ATRN: variants seen among roughly 807,000 people sequenced by gnomAD.
ATRN encodes the protein attractin-2.
ATRN carries 54 observed loss-of-function variants against 178.7 expected under a neutral mutation model. The observed-to-expected ratio is 0.30, with a 90% CI of 0.24 to 0.38. ATRN has a LOEUF of 0.38. Among genes scored for constraint, ATRN ranks in the 10% least tolerant of loss-of-function variants. ATRN has a pLI of 1.00. For missense variants in ATRN, 1,443 were observed against 1,815.1 expected (o/e 0.79, Z 3.73); for synonymous variants, 636 against 663.0 (o/e 0.96, Z 0.63).
chr20:3,602,963 C>CAAAAAAAAAAAA (rs3842439), intron 23 of ATRN, among the ~76,000 whole-genome samples: 7 of 40,878 alleles, frequency 1.7e-4, no homozygotes, highest in African/African-American at 7.7e-4. Context: ...AATTCCATCT[C>CAAAAAAAAAAAA]AAAAAAAAAA....
intron 6 of ATRN, among the ~76,000 whole-genome samples, chr20:3,557,164 T>C (rs974230699): frequency 1.3e-5 from 2 of 152,228 alleles, no homozygotes; most frequent in Non-Finnish European, 2.9e-5. Flanking sequence ...GCAGTCCATT[T>C]TATAAAAACA....
At chr20:3,587,895 G>C (rs922705837) in intron 18 of ATRN, among the ~76,000 whole-genome samples, 1 of 152,168 alleles carries the variant, frequency 6.6e-6, no homozygotes, top group Non-Finnish European at 1.5e-5. Flanking sequence ...ACCCAGGCTG[G>C]AGCGCAGTGG....
intron 25 of ATRN, among the ~76,000 whole-genome samples, chr20:3,626,113 TC>T (rs2086936780): frequency 6.6e-6 from 1 of 151,764 alleles, no homozygotes; most frequent in Admixed American, 6.6e-5. Context: ...AAGCCTGTAG[TC>T]CCAGCTAATC....
chr20:3,491,285 C>T (rs2084790564), intron 1 of ATRN, among the ~76,000 whole-genome samples: 1 of 152,162 alleles, frequency 6.6e-6, no homozygotes, highest in Non-Finnish European at 1.5e-5. Context: ...TCCTCACTTC[C>T]AATTTTCTCA....
intron 1 of ATRN, among the ~76,000 whole-genome samples, chr20:3,526,219 A>T (rs1026408127): frequency 6.6e-5 from 10 of 152,230 alleles, no homozygotes; most frequent in Admixed American, 6.5e-5. Flanking sequence ...ATACAAAATC[A>T]GTGTGCAAAA....
chr20:3,489,816 T>G (rs1600018269), intron 1 of ATRN: 1 of 1,255,492 alleles, frequency 8.0e-7, no homozygotes, highest in East Asian at 2.3e-5. Flanking sequence ...AATCTCACAG[T>G]TATAGTTGAT....
chr20:3,567,730 T>C (rs2086056136), intron 11 of ATRN, among the ~76,000 whole-genome samples: 1 of 152,148 alleles, frequency 6.6e-6, no homozygotes, highest in South Asian at 2.1e-4. Flanking sequence ...ATTGAGGTTT[T>C]GAGGGAGGCA....
At chr20:3,561,921 C>A (rs2085957828) in intron 8 of ATRN, among the ~76,000 whole-genome samples, 1 of 152,116 alleles carries the variant, frequency 6.6e-6, no homozygotes, top group Admixed American at 6.6e-5. Context: ...GAGATGGGAT[C>A]TTGCTATGTT....
At chr20:3,597,809 G>T in intron 21 of ATRN, 97 bp from the exon 22 acceptor site, 4 of 721,126 alleles carry the variant, frequency 5.5e-6, no homozygotes, top group South Asian at 1.9e-5. Context: ...TGCTTTCCTC[G>T]TTACTTAATT....
chr20:3,591,153 A>G lies in ATRN; in HGVS notation c.3185-16A>G. On this transcript the variant is annotated splice_polypyrimidine_tract_variant and intron_variant, in intron 18 of 28. Coordinates refer to ENST00000262919, the MANE Select transcript of ATRN (RefSeq NM_139321.3). The stretch of plus-strand genomic sequence containing the variant: ...TCTTCCATGGTACAGACCCCTTGAA[A>G]CTCTTTTTCTTGCAGCTTGCCAATG... 6.2e-7 allele frequency: 1 copy of G among 1,612,720 alleles called. No individual in the cohort carries two copies.
chr20:3,576,414 A>G (rs1246114755), intron 13 of ATRN, among the ~76,000 whole-genome samples: 1 of 152,054 alleles, frequency 6.6e-6, no homozygotes, highest in African/African-American at 2.4e-5. Context: ...AAGTTATAAG[A>G]TGACCCAGGC....
chr20:3,582,237 A>G lies in ATRN; in HGVS notation c.2647A>G (p.Met883Val). 6.2e-7 allele frequency: 1 copy of G among 1,613,990 alleles called. No homozygotes were observed. The highest frequency in any genetic ancestry group is 8.5e-7 in the Non-Finnish European group (1 of 1,180,026). The stretch of plus-strand genomic sequence containing the variant: ...ATTTACAAATAGTTTACTACAGTGG[A>G]TGCCGTCTGAGCCCAGTGATGCTGG... ...SPFTNSLLQWMPSEPSDAGFC... is the reference protein window; with the variant it reads ...SPFTNSLLQWVPSEPSDAGFC... The change falls in exon 16 of 29, where the codon ATG (methionine) becomes GTG (valine). Residue 883 changes from methionine to valine, a missense_variant. By Grantham distance (21) the Met-to-Val change is conservative. Transcript: ENST00000262919.
At chr20:3,526,324 G>A (rs555301694) in intron 1 of ATRN, among the ~76,000 whole-genome samples, 194 of 152,132 alleles carry the variant, frequency 1.3e-3, no homozygotes, top group Non-Finnish European at 2.3e-3. Context: ...GCCAAATAAC[G>A]AGTGAACTCC....
intron 6 of ATRN, among the ~76,000 whole-genome samples, chr20:3,558,517 A>T (rs1474470361): frequency 6.9e-6 from 1 of 145,246 alleles, no homozygotes; most frequent in Non-Finnish European, 1.5e-5. Flanking sequence ...TTTACTTAAG[A>T]TATAACAATA....
At chr20:3,629,029 G>T (rs770830979) in intron 25 of ATRN, 89 of 984,918 alleles carry the variant, frequency 9.0e-5, no homozygotes, top group Non-Finnish European at 9.8e-5. Flanking sequence ...TCACTAACTG[G>T]CAACATGGCT....
In ATRN at chr20:3,471,439, G is replaced by A; in HGVS notation, c.332G>A (p.Cys111Tyr). Residue 111 changes from cysteine (C) to tyrosine (Y), a missense_variant, in exon 1 of 29, where the codon TGC becomes TAC. Physicochemically the swap from Cys to Tyr is radical, Grantham distance 194. This residue lies in a region of ATRN where 862 missense variants were observed against 972.1 expected (regional missense o/e 0.89). Coordinates refer to ENST00000262919, the MANE Select transcript of ATRN (RefSeq NM_139321.3). ...CGGCCCTGTGTCAACGGCGGTCGCT[G>A]CAACCCTGGCACCGGCCAGTGCGTC... ...CDRPCVNGGRCNPGTGQCVCP... is the reference protein window; with the variant it reads ...CDRPCVNGGRYNPGTGQCVCP... The A allele has an allele frequency of 6.9e-7, 1 of 1,456,884 alleles. No individual in the cohort carries two copies. The highest frequency in any genetic ancestry group is 9.0e-7 in the Non-Finnish European group (1 of 1,112,322). 90.2% of individuals were successfully genotyped at this position (1,456,884 alleles called of 1,614,324 possible). A position where few individuals can be genotyped will look rare whatever the true frequency, so the allele number is the denominator to read the frequency against.
Position 3,565,382 on chromosome 20 carries a change from T to G in ATRN, c.1821T>G (p.Asp607Glu). 6.2e-7 allele frequency: 1 copy of G among 1,614,102 alleles called. No individual in the cohort carries two copies. The highest frequency in any genetic ancestry group is 8.5e-7 in the Non-Finnish European group (1 of 1,179,998). The part of the protein sequence containing the change: ...CDRWSVLPRP[D>E]LHHDVNRFGH... ...GCTGGTCAGTGCTTCCCAGACCTGA[T>G]CTCCACCATGATGTCAACAGATTTG... is the stretch of plus-strand genomic sequence containing the variant. The change falls in exon 11 of 29, where the codon GAT (aspartate) becomes GAG (glutamate). Residue 607 changes from aspartate (D) to glutamate (E), a missense_variant. By Grantham distance (45) the Asp-to-Glu change is conservative. This residue lies in a region of ATRN where 862 missense variants were observed against 972.1 expected (regional missense o/e 0.89). Coordinates refer to ENST00000262919, the MANE Select transcript of ATRN (RefSeq NM_139321.3).
intron 23 of ATRN, 102 bp downstream of exon 23, chr20:3,601,126 A>G: frequency 9.8e-7 from 1 of 1,017,558 alleles, no homozygotes; most frequent in Non-Finnish European, 1.5e-6. Flanking sequence ...GATTGGTTTG[A>G]AACCCACCCT....
At chr20:3,544,400 A>T (rs1378358974) in intron 3 of ATRN, among the ~76,000 whole-genome samples, 1 of 152,152 alleles carries the variant, frequency 6.6e-6, no homozygotes, top group African/African-American at 2.4e-5. Flanking sequence ...TTCTTCTACA[A>T]AGAAATAGAA....
Sources: gnomAD v4.1 joint callset for allele counts (sites outside exome capture counted in the v4.1 genomes callset) on GRCh38, gnomAD v4.1.1 for gene constraint, gnomAD v4.1.1 regional missense constraint, MANE v1.5 for transcripts, NCBI Gene and HGNC (gene_info 2026-07-23, HGNC 2026-07-21) for gene names.